Variants in PDE4B observed in about 807,000 individuals in gnomAD.
The protein encoded by PDE4B is 3',5'-cyclic-AMP phosphodiesterase 4B.
Under a neutral mutation model 82.2 loss-of-function variants are expected in PDE4B, and 20 were observed. That is an observed-to-expected ratio of 0.24 (90% CI 0.17 to 0.35). The LOEUF (loss-of-function observed/expected upper bound fraction) is 0.35. PDE4B is among the 10% of genes least tolerant of loss of function. The probability of loss-of-function intolerance (pLI) is 1.00; values close to 1 mark genes in which losing one functional copy is unlikely to be tolerated. For synonymous variants in PDE4B, 320 were observed against 318.9 expected, an observed-to-expected ratio of 1.00 and a Z score of -0.04; for missense variants, 655 against 907.2, an observed-to-expected ratio of 0.72 and a Z score of 3.57.
intron 1 of PDE4B, among the ~76,000 whole-genome samples, chr1:65,892,357 A>T (rs1646860772): frequency 6.6e-6 from 1 of 152,078 alleles, no homozygotes; most frequent in African/African-American, 2.4e-5. Context: ...GGCTTACCAC[A>T]AATGAGTCAC....
chr1:65,945,095 C>T (rs765412872), intron 3 of PDE4B, among the ~76,000 whole-genome samples: 7 of 152,106 alleles, frequency 4.6e-5, no homozygotes, highest in Middle Eastern at 6.8e-3. Flanking sequence ...GACTCCCTGC[C>T]CATGTGTTCT....
intron 3 of PDE4B, among the ~76,000 whole-genome samples, chr1:66,103,650 C>T (rs1453347872): frequency 6.6e-6 from 1 of 152,034 alleles, no homozygotes; most frequent in Non-Finnish European, 1.5e-5. Flanking sequence ...CAAATAAATA[C>T]AAATAGATAA....
chr1:66,045,721 A>G (rs1354060), intron 3 of PDE4B, among the ~76,000 whole-genome samples: 78,677 of 150,996 alleles, frequency 0.52, 20,610 homozygotes, highest in East Asian at 0.59. Context: ...GAAATGATAT[A>G]GACGAGATTC....
chr1:65,792,867 A>G (rs1645587072), upstream of PDE4B, among the ~76,000 whole-genome samples: 1 of 151,750 alleles, frequency 6.6e-6, no homozygotes, highest in Admixed American at 6.6e-5. Context: ...GCGGGGGTGG[A>G]CAGTAGGGAG....
At chr1:66,172,576 T>C (rs1646857296) in intron 3 of PDE4B, among the ~76,000 whole-genome samples, 1 of 152,230 alleles carries the variant, frequency 6.6e-6, no homozygotes, top group Admixed American at 6.5e-5. Context: ...CAACAATATA[T>C]AAGTGTTCCC....
In PDE4B at chr1:66,145,295, G is replaced by T. The variant is rs568888572; in HGVS notation, c.282-102165G>T. Among the ~76,000 whole-genome samples, 407 of 152,240 alleles carry T rather than the reference G, an allele frequency of 2.7e-3. 2 individuals are homozygous for T. Among genetic ancestry groups the T allele is most frequent in the African/African-American group, 9.3e-3 (388 of 41,534 alleles). On this transcript the variant is annotated intron_variant, in intron 3 of 16. Transcript: ENST00000341517. ...GGCTCTCCAGTGCAGGCACCTAAGG[G>T]AACTGCAGAAAATACATGGATGGTT...
At chr1:66,289,601 A>G (rs1439369008) in intron 7 of PDE4B, among the ~76,000 whole-genome samples, 1 of 152,048 alleles carries the variant, frequency 6.6e-6, no homozygotes. Flanking sequence ...GGTGGCATAT[A>G]GACAGGGCCA....
At chr1:65,946,370 T>G (rs1489919688) in intron 3 of PDE4B, among the ~76,000 whole-genome samples, 1 of 151,978 alleles carries the variant, frequency 6.6e-6, no homozygotes, top group Non-Finnish European at 1.5e-5. Flanking sequence ...AAATACTGCC[T>G]TGGCTTGTAG....
At position 66,096,517 on chromosome 1, in the gene PDE4B, T is replaced by C. The variant is rs915597875; in HGVS notation, c.282-150943T>C. 2.2e-3 allele frequency among the ~76,000 whole-genome samples: 297 copies of C among 137,978 alleles called. 20 individuals are homozygous for C. In the South Asian group the frequency reaches 0.062, roughly 29 times the overall value. 90.5% of individuals were successfully genotyped at this position (137,978 alleles called of 152,430 possible). On this transcript the variant is annotated intron_variant, in intron 3 of 16. Transcript: ENST00000341517. Reference sequence around the variant, plus strand: ...GTATAAGTAAAAAAAATTATATATATATATATATATATATATATATATATA... The same window carrying C: ...GTATAAGTAAAAAAAATTATATATACATATATATATATATATATATATATA...
chr1:66,087,320 C>T (rs545931724), intron 3 of PDE4B, among the ~76,000 whole-genome samples: 311 of 152,220 alleles, frequency 2.0e-3, no homozygotes, highest in Non-Finnish European at 2.9e-3. Context: ...CAATATCCTT[C>T]GCCCACTTTT....
intron 3 of PDE4B, among the ~76,000 whole-genome samples, chr1:66,239,832 A>C (rs1353317654): frequency 6.6e-6 from 1 of 152,244 alleles, no homozygotes; most frequent in East Asian, 1.9e-4. Context: ...CCATTTCTTG[A>C]TAGTGAAATG....
chr1:65,910,015 T>C (rs937287296), intron 1 of PDE4B, among the ~76,000 whole-genome samples: 1 of 152,204 alleles, frequency 6.6e-6, no homozygotes, highest in African/African-American at 2.4e-5. Context: ...TAGTCTTGGT[T>C]TTAGAACAAG....
intron 7 of PDE4B, among the ~76,000 whole-genome samples, chr1:66,296,351 A>G (rs1417009871): frequency 1.3e-5 from 2 of 152,174 alleles, no homozygotes; most frequent in African/African-American, 4.8e-5. Flanking sequence ...TAGTCTGTTT[A>G]CGATAAACAA....
rs761789985 is a variant in PDE4B, at chr1:66,247,622, G to A, written c.444G>A (p.Ala148=). Residue 148 remains alanine (A), a synonymous_variant, in exon 4 of 17, where the codon GCG becomes GCA. Coordinates refer to ENST00000341517, the MANE Select transcript of PDE4B (RefSeq NM_002600.4). ...GCGACTATGACTTGTCACCAAAGGC[G>A]ATGTCGAGAAACTCTTCTCTTCCAA... ...SDSDYDLSPK[A]MSRNSSLPSE... is the part of the protein sequence containing the mutation. 2.8e-5 allele frequency: 44 copies of A among 1,596,836 alleles called. No individual in the cohort carries two copies. Among genetic ancestry groups the A allele is most frequent in the Non-Finnish European group, 3.5e-5 (41 of 1,171,878 alleles).
chr1:66,118,822 T>C (rs1274157268), intron 3 of PDE4B, among the ~76,000 whole-genome samples: 9 of 152,178 alleles, frequency 5.9e-5, no homozygotes, highest in Admixed American at 3.9e-4. Flanking sequence ...GTGCCCTATT[T>C]TTTCTTTCTT....
intron 1 of PDE4B, among the ~76,000 whole-genome samples, chr1:65,864,445 T>G (rs1242916563): frequency 1.3e-5 from 2 of 152,062 alleles, no homozygotes; most frequent in African/African-American, 2.4e-5. Context: ...GGCATTCTGG[T>G]TTTTGGAATT....
At chr1:65,999,559 C>T (rs898987374) in intron 3 of PDE4B, among the ~76,000 whole-genome samples, 2 of 152,146 alleles carry the variant, frequency 1.3e-5, no homozygotes, top group South Asian at 2.1e-4. Context: ...TATCACTATC[C>T]GGAGAGGCCT....
chr1:66,252,608 G>A (rs1384360400), intron 4 of PDE4B, among the ~76,000 whole-genome samples: 1 of 152,196 alleles, frequency 6.6e-6, no homozygotes, highest in Admixed American at 6.5e-5. Context: ...GGTACTCAAA[G>A]TATAGTTTCT....
chr1:66,330,138 T>C (rs1237828348), intron 7 of PDE4B, among the ~76,000 whole-genome samples: 1 of 152,226 alleles, frequency 6.6e-6, no homozygotes, highest in Non-Finnish European at 1.5e-5. Flanking sequence ...TGACTGTGAA[T>C]TAAGAATTTG....
Sources: allele counts gnomAD v4.1 joint callset (sites outside exome capture counted in the v4.1 genomes callset), GRCh38; gene constraint gnomAD v4.1.1; transcripts MANE v1.5; gene names NCBI Gene and HGNC (gene_info 2026-07-23, HGNC 2026-07-21).